The following CCSER1 variants were observed in gnomAD, a reference collection of about 807,000 sequenced individuals.
CCSER1 encodes coiled-coil serine rich protein 1, also known as serine-rich coiled-coil domain-containing protein 1.
A neutral mutation model predicts 82.0 loss-of-function variants in CCSER1; 41 were observed. That is an observed-to-expected ratio of 0.50 (90% CI 0.39 to 0.65). The LOEUF (loss-of-function observed/expected upper bound fraction) is 0.65. Ranked by LOEUF, CCSER1 falls within the 30% of genes least tolerant of loss-of-function variation. The probability of loss-of-function intolerance (pLI) is 0.00; values close to 1 mark genes in which losing one functional copy is unlikely to be tolerated. For synonymous variants in CCSER1, 414 were observed against 383.9 expected (o/e 1.08, Z -0.92); for missense variants, 1,119 against 1,064.2 (o/e 1.05, Z -0.72).
chr4:90,500,317 A>G (rs902124027), intron 5 of CCSER1, among the ~76,000 whole-genome samples: 2 of 152,084 alleles, frequency 1.3e-5, no homozygotes, highest in Non-Finnish European at 2.9e-5. Flanking sequence ...AAGAGTGAGA[A>G]AAGGTCATCA....
intron 10 of CCSER1, among the ~76,000 whole-genome samples, chr4:91,186,167 T>G (rs1181014293): frequency 6.6e-6 from 1 of 152,186 alleles, no homozygotes; most frequent in African/African-American, 2.4e-5. Flanking sequence ...AAGAAAGATC[T>G]GGAGGGTCTT....
chr4:91,363,058 TTTTC>T (rs1749354115), intron 10 of CCSER1, among the ~76,000 whole-genome samples: 1 of 151,724 alleles, frequency 6.6e-6, no homozygotes, highest in Non-Finnish European at 1.5e-5. Flanking sequence ...ATTTGCCTCA[TTTTC>T]TTTTTCTTTT....
At chr4:90,393,344 T>G (rs564580287) in intron 3 of CCSER1, among the ~76,000 whole-genome samples, 1 of 152,160 alleles carries the variant, frequency 6.6e-6, no homozygotes, top group South Asian at 2.1e-4. Context: ...TAAAACTGTG[T>G]TTCCCTGTGA....
chr4:91,534,832 C>T (rs1014450740), intron 10 of CCSER1, among the ~76,000 whole-genome samples: 1 of 151,684 alleles, frequency 6.6e-6, no homozygotes, highest in Non-Finnish European at 1.5e-5. Context: ...TGTGCTCAAT[C>T]AATAAGTGAA....
intron 4 of CCSER1, among the ~76,000 whole-genome samples, chr4:90,434,557 G>A (rs1045417434): frequency 1.3e-5 from 2 of 152,146 alleles, no homozygotes; most frequent in African/African-American, 4.8e-5. Context: ...GAAGCAGTTT[G>A]TTGAGCTGAG....
intron 10 of CCSER1, among the ~76,000 whole-genome samples, chr4:91,109,583 T>A (rs1002044105): frequency 1.3e-5 from 2 of 152,210 alleles, no homozygotes; most frequent in East Asian, 1.9e-4. Context: ...ATGACTTTTT[T>A]AATGAATGAC....
At position 91,583,707 on chromosome 4, in the gene CCSER1, A is replaced by G. The variant is rs544374732; in HGVS notation, c.2218-14865A>G. ...GTGCATTACACTAAGTAGTACAAAT[A>G]TTATGCATGTTTTTATATAAGAACT... On this transcript the variant is annotated intron_variant, in intron 10 of 10. Transcript: ENST00000509176. 8.0e-4 allele frequency among the ~76,000 whole-genome samples: 121 copies of G among 151,518 alleles called. 1 individual carries two copies. The highest frequency in any genetic ancestry group is 1.4e-3 in the Non-Finnish European group (98 of 67,646).
chr4:91,357,639 G>T (rs553350523), intron 10 of CCSER1, among the ~76,000 whole-genome samples: 1 of 150,832 alleles, frequency 6.6e-6, no homozygotes, highest in African/African-American at 2.4e-5. Context: ...TATACACTTC[G>T]CACATAAACT....
chr4:91,279,868 CTTCT>C (rs1413488571), intron 10 of CCSER1, among the ~76,000 whole-genome samples: 1 of 152,052 alleles, frequency 6.6e-6, no homozygotes, highest in Non-Finnish European at 1.5e-5. Flanking sequence ...GTACTAGTCA[CTTCT>C]TTCTATTTTT....
chr4:91,433,166 C>G (rs879204535), intron 10 of CCSER1, among the ~76,000 whole-genome samples: 4 of 152,082 alleles, frequency 2.6e-5, no homozygotes, highest in Non-Finnish European at 5.9e-5. Context: ...CTCTTTCAGA[C>G]CCCATTAAGC....
At chr4:91,540,828 G>T (rs1761553414) in intron 10 of CCSER1, among the ~76,000 whole-genome samples, 1 of 152,058 alleles carries the variant, frequency 6.6e-6, no homozygotes, top group African/African-American at 2.4e-5. Flanking sequence ...TATTGCCTTT[G>T]CTTCTTTTCA....
At chr4:90,942,287 G>C (rs1183681133) in intron 9 of CCSER1, among the ~76,000 whole-genome samples, 1 of 151,944 alleles carries the variant, frequency 6.6e-6, no homozygotes, top group Non-Finnish European at 1.5e-5. Flanking sequence ...ACATCTTTTG[G>C]TATCTGAATT....
chr4:91,038,403 G>T (rs983736022), intron 9 of CCSER1, among the ~76,000 whole-genome samples: 1 of 150,914 alleles, frequency 6.6e-6, no homozygotes, highest in African/African-American at 2.4e-5. Context: ...CTTAACCAAG[G>T]CTACAAATAA....
At chr4:90,876,159 C>T (rs918657200) in intron 8 of CCSER1, among the ~76,000 whole-genome samples, 1 of 151,976 alleles carries the variant, frequency 6.6e-6, no homozygotes. Flanking sequence ...AGTTTTTCCC[C>T]CTCAATTAGA....
chr4:90,201,741 G>T (rs995501423), intron 1 of CCSER1, among the ~76,000 whole-genome samples: 5 of 152,074 alleles, frequency 3.3e-5, no homozygotes, highest in African/African-American at 1.2e-4. Flanking sequence ...GATGTTCAGA[G>T]AAAGAGAAGA....
intron 10 of CCSER1, among the ~76,000 whole-genome samples, chr4:91,391,647 TG>T (rs1471878016): frequency 4.6e-5 from 7 of 152,158 alleles, no homozygotes; most frequent in Non-Finnish European, 1.0e-4. Context: ...TCTAGAATTT[TG>T]GGATTTGCCA....
chr4:91,528,349 T>A (rs1009387234), intron 10 of CCSER1, among the ~76,000 whole-genome samples: 1 of 148,892 alleles, frequency 6.7e-6, no homozygotes, highest in Non-Finnish European at 1.5e-5. Context: ...AATGCAGTTT[T>A]GTTATTTATT....
intron 1 of CCSER1, among the ~76,000 whole-genome samples, chr4:90,248,835 C>T (rs1415728827): frequency 6.6e-6 from 1 of 151,574 alleles, no homozygotes; most frequent in East Asian, 1.9e-4. Context: ...GTAGCTGGGA[C>T]CACAGGTGCA....
chr4:91,093,719 G>A (rs62312179), intron 10 of CCSER1, among the ~76,000 whole-genome samples: 29,265 of 152,166 alleles, frequency 0.19, 3,116 homozygotes, highest in Admixed American at 0.27. Flanking sequence ...CACATAGAGT[G>A]TAAAGGGCTT....
Sources: gnomAD v4.1 joint callset for allele counts (sites outside exome capture counted in the v4.1 genomes callset) on GRCh38, gnomAD v4.1.1 for gene constraint, MANE v1.5 for transcripts, NCBI Gene and HGNC (gene_info 2026-07-23, HGNC 2026-07-21) for gene names.